Variants in WNT7A observed in about 807,000 individuals in gnomAD.
The protein encoded by WNT7A is Wnt family member 7A.
In WNT7A, 16 loss-of-function variants were observed where a neutral mutation model predicts 28.2. That is an observed-to-expected ratio of 0.57 (90% CI 0.38 to 0.86). The LOEUF is 0.86. WNT7A is among the 40% of genes least tolerant of loss of function. WNT7A has a pLI of 0.00. For synonymous variants in WNT7A, 190 were observed against 195.9 expected (o/e 0.97, Z 0.25); for missense variants, 411 against 489.7 (o/e 0.84, Z 1.52).
intron 3 of WNT7A, among the ~76,000 whole-genome samples, chr3:13,820,089 G>T (rs942680020): frequency 1.7e-4 from 26 of 151,784 alleles, no homozygotes; most frequent in African/African-American, 6.1e-4. Flanking sequence ...CAACTATAAA[G>T]AAATATCTTT....
intron 3 of WNT7A, among the ~76,000 whole-genome samples, chr3:13,847,665 A>G (rs80095788): frequency 0.01 from 1,557 of 152,366 alleles, 29 homozygotes; most frequent in African/African-American, 0.036. Context: ...AAGCAATCAC[A>G]GAACCTTTCA....
chr3:13,830,410 C>T (rs1694262819), intron 3 of WNT7A, among the ~76,000 whole-genome samples: 1 of 152,112 alleles, frequency 6.6e-6, no homozygotes, highest in Non-Finnish European at 1.5e-5. Context: ...GCCCCATGCC[C>T]CATCTGTTCA....
At chr3:13,863,027 C>T (rs1336981843) in intron 2 of WNT7A, among the ~76,000 whole-genome samples, 1 of 152,216 alleles carries the variant, frequency 6.6e-6, no homozygotes, top group Non-Finnish European at 1.5e-5. Context: ...ACTCACCTCT[C>T]AAGGCCTCAG....
At chr3:13,856,060 C>A (rs900946778) in intron 2 of WNT7A, among the ~76,000 whole-genome samples, 7 of 152,148 alleles carry the variant, frequency 4.6e-5, no homozygotes, top group African/African-American at 1.4e-4. Context: ...CTTGTCCCCC[C>A]ACCCCATCGC....
At chr3:13,847,565 G>A (rs1373823997) in intron 3 of WNT7A, among the ~76,000 whole-genome samples, 1 of 152,226 alleles carries the variant, frequency 6.6e-6, no homozygotes. Flanking sequence ...CTTGACAGTG[G>A]AGGCTAGGGA....
In WNT7A at chr3:13,819,033, C is replaced by T. The variant is rs773152916; in HGVS notation, c.961G>A (p.Val321Met). 4 of 1,612,852 alleles carry T rather than the reference C, an allele frequency of 2.5e-6. No individual in the cohort carries two copies. The highest frequency in any genetic ancestry group is 1.3e-5 in the African/African-American group (1 of 74,932). Residue 321 changes from valine to methionine, a missense_variant, in exon 4 of 4, where the codon GTG becomes ATG. Coordinates refer to ENST00000285018, the MANE Select transcript of WNT7A (RefSeq NM_004625.4). ...TGGAACTTACAGTTGCACTGCCACACGCGGGCGTACTGGTGGGTGTTGTAG... is the reference window on the plus strand; with the variant it reads ...TGGAACTTACAGTTGCACTGCCACATGCGGGCGTACTGGTGGGTGTTGTAG... ...RGYNTHQYAR[V>M]WQCNCKFHWC...
At chr3:13,838,205 A>G (rs1170034853) in intron 3 of WNT7A, among the ~76,000 whole-genome samples, 1 of 152,114 alleles carries the variant, frequency 6.6e-6, no homozygotes, top group Non-Finnish European at 1.5e-5. Flanking sequence ...AGCTACAAGG[A>G]GCTGCTGCAG....
At chr3:13,872,701 T>C (rs1259616936) in intron 2 of WNT7A, among the ~76,000 whole-genome samples, 7 of 152,176 alleles carry the variant, frequency 4.6e-5, no homozygotes, top group Admixed American at 3.9e-4. Flanking sequence ...GCCTCTCTTC[T>C]ACAACCATGG....
chr3:13,840,735 A>T (rs1055487189), intron 3 of WNT7A, among the ~76,000 whole-genome samples: 12 of 152,024 alleles, frequency 7.9e-5, no homozygotes, highest in Non-Finnish European at 1.2e-4. Context: ...TATTCCATTC[A>T]TTCAACCAGC....
At chr3:13,860,603 A>G (rs1046166720) in intron 2 of WNT7A, among the ~76,000 whole-genome samples, 24 of 152,100 alleles carry the variant, frequency 1.6e-4, no homozygotes, top group African/African-American at 5.8e-4. Flanking sequence ...TAGGTAAGAT[A>G]GGGAAACTGA....
At chr3:13,848,625 T>C (rs1694577463) in intron 3 of WNT7A, among the ~76,000 whole-genome samples, 1 of 152,198 alleles carries the variant, frequency 6.6e-6, no homozygotes. Context: ...CACTCACACA[T>C]TGCTAGTGGG....
intron 2 of WNT7A, among the ~76,000 whole-genome samples, chr3:13,871,826 C>G (rs1430751734): frequency 1.3e-5 from 2 of 152,136 alleles, no homozygotes; most frequent in Non-Finnish European, 2.9e-5. Flanking sequence ...GGATACTGTC[C>G]CTCCCTTATT....
intron 3 of WNT7A, among the ~76,000 whole-genome samples, chr3:13,847,635 C>T (rs963311307): frequency 6.6e-6 from 1 of 152,168 alleles, no homozygotes; most frequent in African/African-American, 2.4e-5. Context: ...AAACTTACAC[C>T]TCATAGAAAA....
At chr3:13,875,216 G>C (rs745807433) in intron 1 of WNT7A, 43 bp from the exon 2 acceptor site, 6 of 1,604,672 alleles carry the variant, frequency 3.7e-6, no homozygotes, top group Non-Finnish European at 4.3e-6. Flanking sequence ...AGGCCAGCAA[G>C]GGGGCATGGC....
chr3:13,878,531 C>G (rs977966929), intron 1 of WNT7A, among the ~76,000 whole-genome samples: 2 of 152,182 alleles, frequency 1.3e-5, no homozygotes, highest in African/African-American at 4.8e-5. Context: ...GCTGGTCGGG[C>G]TGGCGGCCCC....
intron 3 of WNT7A, among the ~76,000 whole-genome samples, chr3:13,836,689 G>A (rs538189853): frequency 4.6e-5 from 7 of 152,236 alleles, no homozygotes; most frequent in African/African-American, 7.2e-5. Flanking sequence ...CAACCAGACC[G>A]GTAGAAGGAA....
intron 3 of WNT7A, among the ~76,000 whole-genome samples, chr3:13,829,019 C>T (rs533698003): frequency 2.6e-5 from 4 of 152,138 alleles, no homozygotes; most frequent in South Asian, 2.1e-4. Flanking sequence ...CCTCTGACCA[C>T]GGAGGCCGAA....
chr3:13,844,991 G>T (rs949691779), intron 3 of WNT7A, among the ~76,000 whole-genome samples: 1 of 152,148 alleles, frequency 6.6e-6, no homozygotes, highest in Admixed American at 6.5e-5. Flanking sequence ...AATTGTCCCC[G>T]GTGTGCGTCT....
intron 3 of WNT7A, among the ~76,000 whole-genome samples, chr3:13,833,736 C>A (rs377532662): frequency 6.6e-6 from 1 of 152,170 alleles, no homozygotes; most frequent in Non-Finnish European, 1.5e-5. Context: ...CCAACCACAG[C>A]GTGAGGGGCA....
Sources: gnomAD v4.1 joint callset for allele counts (sites outside exome capture counted in the v4.1 genomes callset) on GRCh38, gnomAD v4.1.1 for gene constraint, MANE v1.5 for transcripts, NCBI Gene and HGNC (gene_info 2026-07-23, HGNC 2026-07-21) for gene names.